Variants in COL4A4 observed in about 807,000 individuals in gnomAD.
The protein encoded by COL4A4 is collagen type IV alpha 4 chain.
A neutral mutation model predicts 192.9 loss-of-function variants in COL4A4; 105 were observed. The ratio of observed to expected loss-of-function variants is 0.54; its 90% CI spans 0.46 to 0.64. The LOEUF (loss-of-function observed/expected upper bound fraction) is 0.64, where lower values mean the gene tolerates loss of function less well. Ranked by LOEUF, COL4A4 falls within the 30% of genes least tolerant of loss-of-function variation. The pLI, the probability that COL4A4 is intolerant of heterozygous loss-of-function variation, is 0.00. For synonymous variants in COL4A4, 762 were observed against 769.9 expected, an observed-to-expected ratio of 0.99 and a Z score of 0.17; for missense variants, 1,967 against 2,169.3, an observed-to-expected ratio of 0.91 and a Z score of 1.85.
At chr2:226,979,790 C>T in the COL4A4 span, among the ~76,000 whole-genome samples, 1 of 152,208 alleles carries the variant, frequency 6.6e-6, no homozygotes, top group Non-Finnish European at 1.5e-5. Flanking sequence ...GCTTCACCAG[C>T]CATCTAGTCA....
At position 227,005,879 on chromosome 2, in the gene COL4A4, T is replaced by A. The variant is rs1337093413; in HGVS notation, c.*1446A>T. 6.6e-6 allele frequency: 1 copy of A among 152,214 alleles called. No homozygotes were observed. Among genetic ancestry groups the A allele is most frequent in the Non-Finnish European group, 1.5e-5 (1 of 68,036 alleles). 9.4% of individuals were successfully genotyped at this position (152,214 alleles called of 1,614,324 possible). ...CTAAAAATTTTTTCCAACAAATCTTTTAAATTTAGGATTAGATCACCAAAT... is the reference window on the plus strand; with the variant it reads ...CTAAAAATTTTTTCCAACAAATCTTATAAATTTAGGATTAGATCACCAAAT... On this transcript the variant is annotated 3_prime_UTR_variant, in exon 48 of 48. Transcript: ENST00000396625.
chr2:227,024,020 A>AC (rs1413853084), intron 43 of COL4A4, among the ~76,000 whole-genome samples: 1 of 150,086 alleles, frequency 6.7e-6, no homozygotes, highest in Non-Finnish European at 1.5e-5. Context: ...AAAAAAACAA[A>AC]AAACAAACAA....
chr2:227,109,486 C>T, intron 9 of COL4A4, 200 bp from the exon 10 acceptor site: 1 of 695,200 alleles, frequency 1.4e-6, no homozygotes, highest in Non-Finnish European at 2.6e-6. Context: ...CGGTGGTTCA[C>T]ACCTGTAATC....
chr2:227,109,599 T>C (rs2061071026), intron 9 of COL4A4: 1 of 427,596 alleles, frequency 2.3e-6, no homozygotes. Flanking sequence ...ATACAAAAAT[T>C]AGATGGGCGT....
chr2:227,130,906 T>C (rs1367660936), intron 4 of COL4A4, among the ~76,000 whole-genome samples: 1 of 151,906 alleles, frequency 6.6e-6, no homozygotes, highest in Non-Finnish European at 1.5e-5. Context: ...CTCCCAAATA[T>C]GTCCACCTCC....
In COL4A4 at chr2:227,078,204, T is replaced by C. The variant is rs997955030; in HGVS notation, c.1804-127A>G. ...CAGGAGACAGTTACTCTTAAGCAAA[T>C]GTAAGTTTAAAATAAATAACTTAGA... On this transcript the variant is annotated intron_variant, in intron 24 of 47. Coordinates refer to ENST00000396625, the MANE Select transcript of COL4A4 (RefSeq NM_000092.5). 1.2e-5 allele frequency: 10 copies of C among 801,722 alleles called. No individual in the cohort carries two copies. In the African/African-American group the frequency reaches 1.6e-4, roughly 13 times the overall value. 49.7% of individuals were successfully genotyped at this position (801,722 alleles called of 1,614,324 possible).
At chr2:227,137,290 C>T (rs1559716561) in intron 4 of COL4A4, among the ~76,000 whole-genome samples, 1 of 152,168 alleles carries the variant, frequency 6.6e-6, no homozygotes, top group Non-Finnish European at 1.5e-5. Flanking sequence ...GAAACCCAGG[C>T]TTGGTCAGAG....
chr2:227,084,533 G>C (rs1576392823), intron 22 of COL4A4, among the ~76,000 whole-genome samples: 1 of 141,020 alleles, frequency 7.1e-6, no homozygotes, highest in Non-Finnish European at 1.6e-5. Context: ...AACTATTACT[G>C]GACTTCATTA....
intron 10 of COL4A4, 103 bp from the exon 11 acceptor site, chr2:227,108,971 A>C: frequency 5.0e-6 from 6 of 1,196,264 alleles, no homozygotes; most frequent in Non-Finnish European, 7.5e-6. Context: ...GGAAACCCTT[A>C]ATTTTAAAAC....
chr2:226,988,836 C>T, the COL4A4 span: 2 of 375,324 alleles, frequency 5.3e-6, no homozygotes, highest in South Asian at 2.2e-4. Context: ...ACTTTTGCAG[C>T]TAGACCTATC....
chr2:227,131,888 G>A (rs1406299875), intron 4 of COL4A4, among the ~76,000 whole-genome samples: 1 of 152,216 alleles, frequency 6.6e-6, no homozygotes, highest in Admixed American at 6.5e-5. Context: ...GCCAAGGACT[G>A]CTGACACCAG....
At chr2:226,979,876 G>A in the COL4A4 span, among the ~76,000 whole-genome samples, 2 of 152,216 alleles carry the variant, frequency 1.3e-5, no homozygotes, top group East Asian at 3.8e-4. Context: ...CCATGATACA[G>A]GTGACTCAAA....
At chr2:227,009,752 AGAG>A (rs1009765990) in intron 46 of COL4A4, among the ~76,000 whole-genome samples, 2 of 140,232 alleles carry the variant, frequency 1.4e-5, no homozygotes, top group African/African-American at 2.6e-5. Context: ...AGAAGAGAGA[AGAG>A]AAGAGGGGAG....
At chr2:226,993,409 A>G in the COL4A4 span, among the ~76,000 whole-genome samples, 1 of 152,216 alleles carries the variant, frequency 6.6e-6, no homozygotes, top group African/African-American at 2.4e-5. Context: ...GCCTGCACTC[A>G]CAAGTGCAAT....
At chr2:227,023,222 CTT>C (rs780833554) in intron 43 of COL4A4, among the ~76,000 whole-genome samples, 3 of 151,646 alleles carry the variant, frequency 2.0e-5, no homozygotes, top group South Asian at 2.1e-4. Flanking sequence ...GGGTGGATCA[CTT>C]GAGATCAGGA....
chr2:227,019,270 A>G (rs1298175102), intron 44 of COL4A4, among the ~76,000 whole-genome samples: 2 of 152,234 alleles, frequency 1.3e-5, no homozygotes, highest in African/African-American at 4.8e-5. Context: ...GAAACGTTCT[A>G]CTCTTAGCTG....
At chr2:227,001,470 T>G (rs1960944121), downstream of COL4A4, among the ~76,000 whole-genome samples, 1 of 152,114 alleles carries the variant, frequency 6.6e-6, no homozygotes, top group Non-Finnish European at 1.5e-5. Context: ...CAAGCTGAGC[T>G]GGATGGGCTA....
chr2:227,030,843 TC>T (rs1165455275), intron 40 of COL4A4, among the ~76,000 whole-genome samples: 1 of 152,196 alleles, frequency 6.6e-6, no homozygotes, highest in East Asian at 1.9e-4. Flanking sequence ...AAACCTTCCT[TC>T]CCTTCAAAGT....
intron 25 of COL4A4, among the ~76,000 whole-genome samples, chr2:227,073,576 T>G (rs2058842201): frequency 6.6e-6 from 1 of 151,906 alleles, no homozygotes; most frequent in African/African-American, 2.4e-5. Context: ...AAAAAGAGCC[T>G]GAATAGACAA....
Sources: allele counts gnomAD v4.1 joint callset (sites outside exome capture counted in the v4.1 genomes callset), GRCh38; gene constraint gnomAD v4.1.1; transcripts MANE v1.5; gene names NCBI Gene and HGNC (gene_info 2026-07-23, HGNC 2026-07-21).